The following DDX10 variants were observed in gnomAD, a reference collection of about 807,000 sequenced individuals.
DDX10 encodes probable ATP-dependent RNA helicase DDX10.
A neutral mutation model predicts 104.3 loss-of-function variants in DDX10; 74 were observed. That is an observed-to-expected ratio of 0.71 (90% CI 0.59 to 0.86). The LOEUF is 0.86. Ranked by LOEUF, DDX10 falls within the 40% of genes least tolerant of loss-of-function variation. The pLI is 0.00. For missense variants in DDX10, 952 were observed against 1,040.0 expected (o/e 0.92, Z 1.16); for synonymous variants, 351 against 353.4 (o/e 0.99, Z 0.08).
intron 13 of DDX10, among the ~76,000 whole-genome samples, chr11:108,802,378 C>G (rs1461898048): frequency 1.3e-5 from 2 of 152,108 alleles, no homozygotes; most frequent in East Asian, 3.9e-4. Flanking sequence ...TGTACTAAAT[C>G]CAACAAAAAC....
intron 6 of DDX10, among the ~76,000 whole-genome samples, chr11:108,679,770 G>A (rs2094232080): frequency 6.6e-6 from 1 of 152,184 alleles, no homozygotes; most frequent in Admixed American, 6.5e-5. Context: ...CCAAAATGTG[G>A]TCTGGGAGGG....
intron 17 of DDX10, among the ~76,000 whole-genome samples, chr11:108,924,541 C>A (rs1416352883): frequency 6.6e-6 from 1 of 152,018 alleles, no homozygotes; most frequent in Non-Finnish European, 1.5e-5. Flanking sequence ...CATGTTTGTT[C>A]TTTTATTTGG....
At chr11:108,672,953 T>A (rs1433885516) in intron 1 of DDX10, among the ~76,000 whole-genome samples, 1 of 152,246 alleles carries the variant, frequency 6.6e-6, no homozygotes. Flanking sequence ...AGTTATCAGG[T>A]TGGATTTCAT....
rs553605636 is a variant in DDX10, at chr11:108,895,608, C to T, written c.2305-22265C>T. On this transcript the variant is annotated intron_variant, in intron 16 of 17. Transcript: ENST00000322536. ...TTACTGGGATTTTTGAAAGATGTAA[C>T]TAATAATACAAGTTTACTTAATAAT... 4.7e-4 allele frequency among the ~76,000 whole-genome samples: 72 copies of T among 152,054 alleles called. 1 individual carries two copies. The South Asian group carries it at 0.012, about 25-fold the overall frequency.
intron 13 of DDX10, among the ~76,000 whole-genome samples, chr11:108,812,221 T>G (rs1252193117): frequency 1.3e-5 from 2 of 152,220 alleles, no homozygotes; most frequent in African/African-American, 4.8e-5. Flanking sequence ...AAGACATTTT[T>G]GGAAAATCTA....
chr11:108,863,251 T>C (rs1305690678), intron 16 of DDX10, among the ~76,000 whole-genome samples: 1 of 152,236 alleles, frequency 6.6e-6, no homozygotes, highest in East Asian at 1.9e-4. Context: ...GCCTCATTTT[T>C]ATCTTTACTT....
chr11:108,863,356 G>T (rs1029935661), intron 16 of DDX10, among the ~76,000 whole-genome samples: 11 of 152,108 alleles, frequency 7.2e-5, no homozygotes, highest in Non-Finnish European at 1.6e-4. Context: ...CTTTTATCAA[G>T]AATTCTATCA....
rs764314900 is a variant in DDX10 at position 108,692,038 on chromosome 11, G to A, written c.1138G>A (p.Asp380Asn). 1 of 1,581,144 alleles carries A rather than the reference G, an allele frequency of 6.3e-7. No individual in the cohort carries two copies. ...TACTGATATTGCAGCCAGGGGTCTG[G>A]GTAAGAAAACTTCCTATCATGAAAT... ...FATDIAARGL[D>N]FPAVNWVLQF... The change falls in exon 8 of 18, where the codon GAT becomes AAT. Residue 380 changes from aspartate to asparagine, a missense_variant and splice_region_variant. Physicochemically the swap from Asp to Asn is conservative, Grantham distance 23. Around this residue, in one of 3 missense-constraint regions of DDX10, gnomAD observed 412 missense variants for 479.2 expected, o/e 0.86. Coordinates refer to ENST00000322536, the MANE Select transcript of DDX10 (RefSeq NM_004398.4).
chr11:108,914,123 G>A (rs146162810), intron 16 of DDX10, among the ~76,000 whole-genome samples: 1 of 152,032 alleles, frequency 6.6e-6, no homozygotes, highest in Admixed American at 6.6e-5. Context: ...CTTTGAATTC[G>A]TATTTTCTTT....
At chr11:108,856,912 C>G (rs1862878134) in intron 16 of DDX10, among the ~76,000 whole-genome samples, 1 of 137,184 alleles carries the variant, frequency 7.3e-6, no homozygotes. Flanking sequence ...TCCATTTAGT[C>G]CTCATCCAGA....
rs533819315 is a variant in DDX10 at position 108,684,770 on chromosome 11, C to T, written c.849-4166C>T. Among the ~76,000 whole-genome samples the T allele has an allele frequency of 1.8e-4, 27 of 148,558 alleles. No homozygotes were observed. The East Asian group carries it at 4.0e-3, about 22-fold the overall frequency. On this transcript the variant is annotated intron_variant, in intron 6 of 17. Coordinates refer to ENST00000322536, the MANE Select transcript of DDX10 (RefSeq NM_004398.4). ...TTCTAGTTCTAGATCCCCGAGGAAT[C>T]GCCACACTGACTTCCACAATGGTTG...
At chr11:108,703,045 G>T (rs2094270724) in intron 9 of DDX10, among the ~76,000 whole-genome samples, 1 of 152,154 alleles carries the variant, frequency 6.6e-6, no homozygotes, top group Non-Finnish European at 1.5e-5. Flanking sequence ...TTGTTATCGG[G>T]CGGCTAGACT....
chr11:108,819,864 G>A (rs890140465), intron 13 of DDX10, among the ~76,000 whole-genome samples: 2 of 152,166 alleles, frequency 1.3e-5, no homozygotes, highest in African/African-American at 4.8e-5. Flanking sequence ...CTCCCAAAGT[G>A]CTGGAGATTA....
At chr11:108,873,732 T>G (rs1863113403) in intron 16 of DDX10, among the ~76,000 whole-genome samples, 1 of 152,246 alleles carries the variant, frequency 6.6e-6, no homozygotes, top group Non-Finnish European at 1.5e-5. Context: ...GACATACATG[T>G]ACACTGTCTA....
At chr11:108,695,597 G>T (rs531657142) in intron 9 of DDX10, among the ~76,000 whole-genome samples, 1 of 151,978 alleles carries the variant, frequency 6.6e-6, no homozygotes, top group African/African-American at 2.4e-5. Context: ...TATATTTTTT[G>T]GGTAGCTTTG....
At position 108,704,065 on chromosome 11, in the gene DDX10, T is replaced by G. The variant is rs1295025054; in HGVS notation, c.1224-2674T>G. 2.6e-5 allele frequency among the ~76,000 whole-genome samples: 4 copies of G among 152,292 alleles called. No individual in the cohort carries two copies. In the East Asian group the frequency reaches 7.7e-4, roughly 29 times the overall value. On this transcript the variant is annotated intron_variant, in intron 9 of 17. Coordinates refer to ENST00000322536, the MANE Select transcript of DDX10 (RefSeq NM_004398.4). ...CTGTTAGCTGTGGCTTTAAAAGGTT[T>G]GATCATGGGCCCTTTGTGACTTTAG...
At chr11:108,878,999 T>A (rs763953948) in intron 16 of DDX10, among the ~76,000 whole-genome samples, 31 of 152,162 alleles carry the variant, frequency 2.0e-4, no homozygotes, top group Non-Finnish European at 3.5e-4. Context: ...GGAAATTTTC[T>A]AAGTCTTTTT....
Position 108,752,815 on chromosome 11 carries a change from A to G in DDX10, c.1965+29353A>G, listed in dbSNP as rs2094340314. Among the ~76,000 whole-genome samples the G allele has an allele frequency of 2.0e-5, 3 of 152,160 alleles. No homozygotes were observed. The South Asian group carries it at 6.2e-4, about 32-fold the overall frequency. ...CATTGTGAACACCTTAGATTTTAAC[A>G]CCTTAGGAGATAAAGGAATATAAAG... On this transcript the variant is annotated intron_variant, in intron 13 of 17. Transcript: ENST00000322536.
At chr11:108,686,504 A>G (rs548571965) in intron 6 of DDX10, among the ~76,000 whole-genome samples, 2 of 152,168 alleles carry the variant, frequency 1.3e-5, no homozygotes, top group African/African-American at 2.4e-5. Context: ...GCCTTTTCGT[A>G]TTGGTTGCTT....
Sources: allele counts gnomAD v4.1 joint callset (sites outside exome capture counted in the v4.1 genomes callset), GRCh38; gene constraint gnomAD v4.1.1; regional missense constraint gnomAD v4.1.1; transcripts MANE v1.5; gene names NCBI Gene and HGNC (gene_info 2026-07-23, HGNC 2026-07-21).